MALRD1: variants seen among roughly 807,000 people sequenced by gnomAD.
MALRD1 encodes MAM and LDL-receptor class A domain-containing protein 1.
A neutral mutation model predicts 242.1 loss-of-function variants in MALRD1; 247 were observed. The ratio of observed to expected loss-of-function variants is 1.02; its 90% CI spans 0.92 to 1.13. MALRD1 has a LOEUF of 1.13. Ranked by LOEUF, MALRD1 falls within the 50% of genes most tolerant of loss-of-function variation. MALRD1 has a pLI of 0.00. For missense variants in MALRD1, 2,989 were observed against 2,533.1 expected (o/e 1.18, Z -3.86); for synonymous variants, 995 against 866.6 (o/e 1.15, Z -2.60).
chr10:19,464,947 AATTT>A (rs1176597971), intron 29 of MALRD1, among the ~76,000 whole-genome samples: 8 of 80,976 alleles, frequency 9.9e-5, no homozygotes, highest in African/African-American at 2.7e-4. Context: ...GTATAATTCC[AATTT>A]TTTTTTTTTT....
At chr10:19,335,708 A>C (rs1372484872) in intron 24 of MALRD1, among the ~76,000 whole-genome samples, 1 of 152,190 alleles carries the variant, frequency 6.6e-6, no homozygotes, top group African/African-American at 2.4e-5. Context: ...GAAGGCTTTG[A>C]AAATGTGATT....
chr10:19,072,054 T>C (rs766137834), intron 2 of MALRD1, among the ~76,000 whole-genome samples: 2 of 152,156 alleles, frequency 1.3e-5, no homozygotes, highest in Middle Eastern at 3.2e-3. Flanking sequence ...TGATTACATA[T>C]TAAAAGTTAG....
chr10:19,081,829 C>T (rs184146657), intron 2 of MALRD1, among the ~76,000 whole-genome samples: 1 of 152,024 alleles, frequency 6.6e-6, no homozygotes, highest in African/African-American at 2.4e-5. Context: ...TTTCAGCTTT[C>T]TTTTGGTTAT....
intron 31 of MALRD1, among the ~76,000 whole-genome samples, chr10:19,509,079 A>T (rs1011741847): frequency 2.6e-5 from 4 of 152,200 alleles, no homozygotes; most frequent in Admixed American, 6.5e-5. Context: ...AGCCTAATCT[A>T]TTATCTTTAT....
intron 4 of MALRD1, 32 bp from the exon 5 acceptor site, chr10:19,103,947 T>C (rs1181027275): frequency 8.7e-7 from 1 of 1,150,020 alleles, no homozygotes; most frequent in African/African-American, 1.6e-5. Flanking sequence ...CTTTATGTTT[T>C]TGTTTTGTTT....
At chr10:19,515,562 T>A (rs563584312) in intron 31 of MALRD1, among the ~76,000 whole-genome samples, 83 of 152,042 alleles carry the variant, frequency 5.5e-4, no homozygotes, top group African/African-American at 1.4e-3. Context: ...TTAATTTTTA[T>A]TTATTTATTT....
intron 29 of MALRD1, among the ~76,000 whole-genome samples, chr10:19,482,814 A>G (rs1440676614): frequency 1.3e-5 from 2 of 152,014 alleles, no homozygotes; most frequent in Non-Finnish European, 2.9e-5. Context: ...AAATGTAAAA[A>G]CATTCCATGT....
chr10:19,204,623 T>C (rs2131616648), intron 16 of MALRD1, among the ~76,000 whole-genome samples: 1 of 152,270 alleles, frequency 6.6e-6, no homozygotes, highest in South Asian at 2.1e-4. Context: ...AAAGGGGCTC[T>C]TTCCCCCCAA....
chr10:19,084,418 A>G (rs1564380593), intron 2 of MALRD1, among the ~76,000 whole-genome samples: 1 of 150,924 alleles, frequency 6.6e-6, no homozygotes, highest in African/African-American at 2.4e-5. Context: ...CTACAGCCTG[A>G]TTTTTTTTTA....
In MALRD1 at chr10:19,543,743, T is replaced by C. The variant is rs76047796; in HGVS notation, c.5478+12392T>C. ...GTTATTTCTGCAAACCAATGGAGAA[T>C]TCTTGGCAAACAACTTTGTATCAAC... On this transcript the variant is annotated intron_variant, in intron 32 of 39. Transcript: ENST00000454679. Among the ~76,000 whole-genome samples the C allele has an allele frequency of 2.7e-3, 408 of 152,254 alleles. 7 individuals are homozygous for C. In the East Asian group the frequency reaches 0.058, roughly 22 times the overall value.
chr10:19,655,647 C>T (rs183616086), intron 36 of MALRD1, among the ~76,000 whole-genome samples: 83 of 147,956 alleles, frequency 5.6e-4, no homozygotes, highest in African/African-American at 1.5e-3. Flanking sequence ...TCTAGACATA[C>T]GACATACTCA....
chr10:19,521,419 G>A (rs367734863), intron 31 of MALRD1, among the ~76,000 whole-genome samples: 2 of 152,106 alleles, frequency 1.3e-5, no homozygotes, highest in Non-Finnish European at 2.9e-5. Flanking sequence ...AATAAACTTA[G>A]TCTAGATTCT....
chr10:19,517,776 C>T (rs761374870), intron 31 of MALRD1, among the ~76,000 whole-genome samples: 2 of 152,118 alleles, frequency 1.3e-5, no homozygotes, highest in Non-Finnish European at 2.9e-5. Flanking sequence ...ATTTGAGGAG[C>T]TCAAATTTAA....
intron 31 of MALRD1, among the ~76,000 whole-genome samples, chr10:19,500,420 G>T (rs1407093712): frequency 6.6e-6 from 1 of 152,158 alleles, no homozygotes; most frequent in Non-Finnish European, 1.5e-5. Flanking sequence ...ACAGTATGGT[G>T]CTGGCATATC....
At chr10:19,525,181 C>G (rs748616450) in intron 31 of MALRD1, among the ~76,000 whole-genome samples, 1 of 151,656 alleles carries the variant, frequency 6.6e-6, no homozygotes, top group Admixed American at 6.6e-5. Flanking sequence ...TCCCAAAGTG[C>G]TGAGATTACA....
intron 14 of MALRD1, among the ~76,000 whole-genome samples, chr10:19,200,978 T>G (rs1288630911): frequency 6.6e-6 from 1 of 152,060 alleles, no homozygotes; most frequent in African/African-American, 2.4e-5. Context: ...GCACAAAGCT[T>G]GCTATACACT....
chr10:19,069,067 A>C (rs1835064014), intron 2 of MALRD1, among the ~76,000 whole-genome samples: 1 of 152,114 alleles, frequency 6.6e-6, no homozygotes, highest in Admixed American at 6.6e-5. Flanking sequence ...TGCAAATATG[A>C]AAGTTTTAAG....
At chr10:19,628,580 A>AT (rs1049482897) in intron 36 of MALRD1, among the ~76,000 whole-genome samples, 8 of 152,136 alleles carry the variant, frequency 5.3e-5, no homozygotes, top group African/African-American at 1.9e-4. Context: ...AAAGAAAAAA[A>AT]GGAAACTGGT....
intron 18 of MALRD1, among the ~76,000 whole-genome samples, chr10:19,256,848 A>G (rs1588792912): frequency 6.6e-6 from 1 of 152,144 alleles, no homozygotes; most frequent in African/African-American, 2.4e-5. Flanking sequence ...AAATGAAAAC[A>G]TATGTTCATA....
Sources: gnomAD v4.1 joint callset for allele counts (sites outside exome capture counted in the v4.1 genomes callset) on GRCh38, gnomAD v4.1.1 for gene constraint, MANE v1.5 for transcripts, NCBI Gene and HGNC (gene_info 2026-07-23, HGNC 2026-07-21) for gene names.